The following SDR42E2 variants were observed in gnomAD, a reference collection of about 807,000 sequenced individuals.
The protein encoded by SDR42E2 is short chain dehydrogenase/reductase family 42E, member 2.
In SDR42E2, 20 loss-of-function variants were observed where a neutral mutation model predicts 10.5. The ratio of observed to expected loss-of-function variants is 1.90; its 90% CI spans 1.34 to 2.77. SDR42E2 has a LOEUF of 2.77. SDR42E2 is among the 30% of genes most tolerant of loss of function. The pLI is 0.00. For synonymous variants in SDR42E2, 72 were observed against 39.2 expected (o/e 1.84, Z -3.12); for missense variants, 162 against 104.2 (o/e 1.55, Z -2.42).
At chr16:22,165,376 C>A (rs1024581173) in intron 1 of SDR42E2, among the ~76,000 whole-genome samples, 171 bp from the exon 2 acceptor site, 2 of 152,208 alleles carry the variant, frequency 1.3e-5, no homozygotes, top group Non-Finnish European at 2.9e-5. Flanking sequence ...ACGTGAACCA[C>A]CACGCCGGGC....
rs1020797109 is a variant in SDR42E2, at chr16:22,181,520, G to A, written c.674G>A (p.Gly225Asp). The change falls in exon 9 of 13, where the codon GGC (glycine) becomes GAC (aspartate). Residue 225 changes from glycine (G) to aspartate (D), a missense_variant and splice_region_variant. Physicochemically the swap from Gly to Asp is moderately conservative, Grantham distance 94. Coordinates refer to ENST00000602312, the MANE Select transcript of SDR42E2 (RefSeq NM_001394319.2). ...EEQRHLPRVA[G>D]HIKKRLFMFR... ...TTATCACCCACTCCTCTCCACCAGG[G>A]CCACATCAAGAAGAGGCTGTTCATG... 1 of 703,052 alleles carries A rather than the reference G, an allele frequency of 1.4e-6. No homozygotes were observed. The highest frequency in any genetic ancestry group is 1.5e-5 in the South Asian group (1 of 67,596). The allele number at this position is 703,052 out of a possible 1,614,324, so 43.6% of individuals were successfully genotyped here.
At chr16:22,184,744 G>A (rs998828516) in intron 11 of SDR42E2, among the ~76,000 whole-genome samples, 9 of 152,218 alleles carry the variant, frequency 5.9e-5, no homozygotes. Flanking sequence ...CCGGAAGCAA[G>A]TGCCTCCTTA....
chr16:22,170,443 G>A (rs2046588541), intron 5 of SDR42E2, among the ~76,000 whole-genome samples: 1 of 152,120 alleles, frequency 6.6e-6, no homozygotes, highest in Admixed American at 6.6e-5. Context: ...GGGCTGCCTG[G>A]GCATGTCCTG....
At chr16:22,165,147 G>A (rs1267367831) in intron 1 of SDR42E2, among the ~76,000 whole-genome samples, 1 of 152,128 alleles carries the variant, frequency 6.6e-6, no homozygotes, top group Non-Finnish European at 1.5e-5. Context: ...GGGTGCAGTG[G>A]CACCATCTCA....
At chr16:22,167,105 G>A (rs2046548443) in intron 4 of SDR42E2, 106 bp downstream of exon 4, 2 of 535,006 alleles carry the variant, frequency 3.7e-6, no homozygotes, top group East Asian at 3.1e-5. Context: ...TATTATAGGA[G>A]GGACTTGGGC....
chr16:22,176,951 G>A (rs1448456594), intron 7 of SDR42E2, among the ~76,000 whole-genome samples: 1 of 152,192 alleles, frequency 6.6e-6, no homozygotes, highest in Non-Finnish European at 1.5e-5. Flanking sequence ...TCCATTGATT[G>A]GAAAGTGTAG....
chr16:22,187,484 G>T (rs569779168), intron 12 of SDR42E2, among the ~76,000 whole-genome samples: 1 of 151,934 alleles, frequency 6.6e-6, no homozygotes, highest in South Asian at 2.1e-4. Flanking sequence ...AGGCAAGGTG[G>T]TGCATGCCTT....
intron 12 of SDR42E2, among the ~76,000 whole-genome samples, chr16:22,188,866 C>T (rs560936683): frequency 1.3e-5 from 2 of 152,246 alleles, no homozygotes; most frequent in Admixed American, 1.3e-4. Context: ...TGCTGAGCAA[C>T]GGAGGCAAGA....
chr16:22,166,303 C>T lies in SDR42E2; in HGVS notation c.109C>T (p.Leu37=), dbSNP rs2142058472. 1 of 402,374 alleles carries T rather than the reference C, an allele frequency of 2.5e-6. No individual in the cohort carries two copies. Among genetic ancestry groups the T allele is most frequent in the Middle Eastern group, 3.1e-4 (1 of 3,226 alleles). The allele number at this position is 402,374 out of a possible 1,614,324, so 24.9% of individuals were successfully genotyped here. A position where few individuals can be genotyped will look rare whatever the true frequency, so the allele number is the denominator to read the frequency against. ...KPTKAARQKV[L]VTGGGGYLGF... is the part of the protein sequence containing the mutation. ...TACAAAGGCTGCCAGGCAGAAGGTT[C>T]TAGTGACTGGAGGAGGAGGCTACCT... is the stretch of plus-strand genomic sequence containing the variant. The change falls in exon 3 of 13, where the codon CTA becomes TTA. Residue 37 remains leucine, a synonymous_variant. Coordinates refer to ENST00000602312, the MANE Select transcript of SDR42E2 (RefSeq NM_001394319.2).
Position 22,190,201 on chromosome 16 carries a change from C to A in SDR42E2, c.1077C>A (p.Tyr359Ter), listed in dbSNP as rs1287206460. The change falls in exon 13 of 13, where the codon TAC becomes TAA. Residue 359 changes from tyrosine to a stop codon, truncating the protein, a stop_gained. Coordinates refer to ENST00000602312, the MANE Select transcript of SDR42E2 (RefSeq NM_001394319.2). LOFTEE classifies it low-confidence loss of function (END_TRUNC). The stretch of plus-strand genomic sequence containing the variant: ...CCAAGGCCCGCGCCCAGCTCGGCTA[C>A]GCGCCGGATAAGTTTAGGTTCGCCG... ...QIAKARAQLG[Y>*]APDKFRFADA... 8 of 401,004 alleles carry A rather than the reference C, an allele frequency of 2.0e-5. No homozygotes were observed. Among genetic ancestry groups the A allele is most frequent in the Non-Finnish European group, 3.5e-5 (8 of 226,150 alleles). The allele number at this position is 401,004 out of a possible 1,614,324, so 24.8% of individuals were successfully genotyped here. A position where few individuals can be genotyped will look rare whatever the true frequency, so the allele number is the denominator to read the frequency against.
intron 8 of SDR42E2, among the ~76,000 whole-genome samples, chr16:22,178,889 G>C (rs1291269329): frequency 6.6e-6 from 1 of 152,184 alleles, no homozygotes; most frequent in East Asian, 1.9e-4. Context: ...GCAGCAAGAG[G>C]TCCCTGTGGC....
At position 22,190,541 on chromosome 16, in the gene SDR42E2, C is replaced by T; in HGVS notation, c.*148C>T. 2.5e-6 allele frequency: 1 copy of T among 399,100 alleles called. No homozygotes were observed. The highest frequency in any genetic ancestry group is 4.4e-6 in the Non-Finnish European group (1 of 226,554). 24.7% of individuals were successfully genotyped at this position (399,100 alleles called of 1,614,324 possible). A position where few individuals can be genotyped will look rare whatever the true frequency, so the allele number is the denominator to read the frequency against. ...TTGAATCCTGGTCACGCCCCCGAGC[C>T]GCTCTCCAGACCTAGCCCGGACCGC... On this transcript the variant is annotated 3_prime_UTR_variant, in exon 13 of 13. Transcript: ENST00000602312.
rs548062599 is a variant in SDR42E2, at chr16:22,184,459, G to A, written c.940+215G>A. Among the ~76,000 whole-genome samples, 11 of 152,146 alleles carry A rather than the reference G, an allele frequency of 7.2e-5. No homozygotes were observed. The South Asian group carries it at 8.3e-4, about 11-fold the overall frequency. On this transcript the variant is annotated intron_variant, in intron 11 of 12. Coordinates refer to ENST00000602312, the MANE Select transcript of SDR42E2 (RefSeq NM_001394319.2). ...TCTACTAAAAATACAAAAATCAGCC[G>A]GGTGTGGTGGCGCACGCCTGTATTC...
At chr16:22,177,782 G>A (rs1468976123) in intron 7 of SDR42E2, among the ~76,000 whole-genome samples, 1 of 152,108 alleles carries the variant, frequency 6.6e-6, no homozygotes, top group Non-Finnish European at 1.5e-5. Context: ...TCACTCTGCC[G>A]AGTGCTTGGT....
rs1200415929 is a variant in SDR42E2 at position 22,191,010 on chromosome 16, AGTCCTGGTCACGCCTCT to A, written c.*622_*638del. 6.7e-6 allele frequency: 1 copy of A among 149,490 alleles called. No individual in the cohort carries two copies. Among genetic ancestry groups the A allele is most frequent in the Non-Finnish European group, 1.5e-5 (1 of 68,124 alleles). The allele number at this position is 149,490 out of a possible 1,614,324, so 9.3% of individuals were successfully genotyped here. On this transcript the variant is annotated 3_prime_UTR_variant, in exon 13 of 13. Coordinates refer to ENST00000602312, the MANE Select transcript of SDR42E2 (RefSeq NM_001394319.2). ...CTTCCATGTTTGGGCACGCCTTCTG[AGTCCTGGTCACGCCTCT>A]GTCCCGCCCCCTGAATCTTTCCTAC...
In SDR42E2 at chr16:22,190,441, C is replaced by T. The variant is rs1053566358; in HGVS notation, c.*48C>T. 2.0e-5 allele frequency: 8 copies of T among 400,676 alleles called. No individual in the cohort carries two copies. Among genetic ancestry groups the T allele is most frequent in the African/African-American group, 1.4e-4 (7 of 48,606 alleles). 24.8% of individuals were successfully genotyped at this position (400,676 alleles called of 1,614,324 possible). A position where few individuals can be genotyped will look rare whatever the true frequency, so the allele number is the denominator to read the frequency against. ...TAGGGTCGGCCCCGCTGCACCCTCG[C>T]CCACGCCCGGCTCCCTGGGCTTGTA... On this transcript the variant is annotated 3_prime_UTR_variant, in exon 13 of 13. Transcript: ENST00000602312.
chr16:22,190,368 T>A lies in SDR42E2; in HGVS notation c.1244T>A (p.Leu415Gln). The change falls in exon 13 of 13, where the codon CTG (leucine) becomes CAG (glutamine). Residue 415 changes from leucine (L) to glutamine (Q), a missense_variant. Leu to Gln is a moderately radical substitution (Grantham distance 113, BLOSUM62 -2). Transcript: ENST00000602312. Reference protein sequence around the residue: ...LALHFLGLQPLHAAVERL With the variant: ...LALHFLGLQPQHAAVERL ...CTGCACTTCCTAGGCCTGCAGCCTC[T>A]GCACGCCGCCGTGGAGCGCCTGTGA... is the stretch of plus-strand genomic sequence containing the variant. 2 of 402,384 alleles carry A rather than the reference T, an allele frequency of 5.0e-6. No individual in the cohort carries two copies. Among genetic ancestry groups the A allele is most frequent in the Non-Finnish European group, 8.8e-6 (2 of 227,646 alleles). The allele number at this position is 402,384 out of a possible 1,614,324, so 24.9% of individuals were successfully genotyped here.
rs911223309 is a variant in SDR42E2, at chr16:22,191,426, G to A, written c.*1033G>A. ...GGAACCAGGCTGCCGCGTCGCTATG[G>A]GCTAACGCAGGCTCGGGTGACGTTG... On this transcript the variant is annotated 3_prime_UTR_variant, in exon 13 of 13. Transcript: ENST00000602312. 6.6e-6 allele frequency: 1 copy of A among 152,390 alleles called. No individual in the cohort carries two copies. The highest frequency in any genetic ancestry group is 2.4e-5 in the African/African-American group (1 of 41,406). The allele number at this position is 152,390 out of a possible 1,614,324, so 9.4% of individuals were successfully genotyped here.
chr16:22,173,098 T>C (rs1325040677), intron 7 of SDR42E2, among the ~76,000 whole-genome samples: 1 of 152,152 alleles, frequency 6.6e-6, no homozygotes, highest in Non-Finnish European at 1.5e-5. Context: ...CTTTTTATAT[T>C]GCCTCTTCTG....
Sources: gnomAD v4.1 joint callset for allele counts (sites outside exome capture counted in the v4.1 genomes callset) on GRCh38, gnomAD v4.1.1 for gene constraint, MANE v1.5 for transcripts, NCBI Gene and HGNC (gene_info 2026-07-23, HGNC 2026-07-21) for gene names.